The following NRXN3 variants were observed in gnomAD, a reference collection of about 807,000 sequenced individuals.
NRXN3 encodes neurexin III.
Under a neutral mutation model 137.6 loss-of-function variants are expected in NRXN3, and 32 were observed. The ratio of observed to expected loss-of-function variants is 0.23; its 90% CI spans 0.18 to 0.31. The LOEUF is 0.31. Ranked by LOEUF, NRXN3 falls within the 10% of genes least tolerant of loss-of-function variation. The pLI is 1.00. For missense variants in NRXN3, 1,574 were observed against 2,062.5 expected, an observed-to-expected ratio of 0.76 and a Z score of 4.59; for synonymous variants, 798 against 784.5, an observed-to-expected ratio of 1.02 and a Z score of -0.29.
intron 15 of NRXN3, among the ~76,000 whole-genome samples, chr14:79,440,002 G>T (rs1275654062): frequency 6.6e-6 from 1 of 152,224 alleles, no homozygotes; most frequent in Admixed American, 6.5e-5. Context: ...TACCAAGCAA[G>T]TATTGAGCAC....
chr14:78,419,091 G>A (rs548656871), intron 4 of NRXN3, among the ~76,000 whole-genome samples: 3 of 152,258 alleles, frequency 2.0e-5, no homozygotes, highest in East Asian at 1.9e-4. Flanking sequence ...TTTGGGGTGG[G>A]TTATTATTAT....
chr14:78,408,589 A>G (rs952467130), intron 4 of NRXN3, among the ~76,000 whole-genome samples: 16 of 152,024 alleles, frequency 1.1e-4, no homozygotes, highest in African/African-American at 3.9e-4. Context: ...AAACAGAAAC[A>G]CCTAGTTGAC....
Position 79,155,707 on chromosome 14 carries a change from AT to A in NRXN3, c.3262+167567del, listed in dbSNP as rs1486150611. On this transcript the variant is annotated intron_variant, in intron 15 of 20. Coordinates refer to ENST00000335750, the MANE Select transcript of NRXN3 (RefSeq NM_001330195.2). ...AAGAATTAGTCCTCATTTAAAAAAA[AT>A]AAAGGAGATTGGCAGATTTTAAAAA... Among the ~76,000 whole-genome samples, 4 of 151,876 alleles carry A rather than the reference AT, an allele frequency of 2.6e-5. No individual in the cohort carries two copies. The East Asian group carries it at 7.8e-4, about 30-fold the overall frequency.
intron 14 of NRXN3, among the ~76,000 whole-genome samples, chr14:78,973,635 A>T (rs2099452451): frequency 6.6e-6 from 1 of 152,172 alleles, no homozygotes; most frequent in Admixed American, 6.5e-5. Flanking sequence ...GATGTTAGTG[A>T]ATATCTATTG....
chr14:79,599,318 T>C (rs1567619520), intron 16 of NRXN3, among the ~76,000 whole-genome samples: 1 of 152,212 alleles, frequency 6.6e-6, no homozygotes, highest in Non-Finnish European at 1.5e-5. Context: ...CTTATCTCCC[T>C]GATAAGCATC....
At chr14:78,957,690 C>T (rs990871465) in intron 11 of NRXN3, among the ~76,000 whole-genome samples, 1 of 152,162 alleles carries the variant, frequency 6.6e-6, no homozygotes, top group Admixed American at 6.5e-5. Context: ...ACATGTCAAT[C>T]ATCCTCCCAT....
At chr14:78,297,534 G>A (rs994638787) in intron 3 of NRXN3, among the ~76,000 whole-genome samples, 2 of 152,102 alleles carry the variant, frequency 1.3e-5, no homozygotes, top group Non-Finnish European at 2.9e-5. Flanking sequence ...ACAGAACAAC[G>A]GTAAAAGGAA....
chr14:78,977,878 A>T (rs1050066622), intron 14 of NRXN3, among the ~76,000 whole-genome samples: 2 of 152,100 alleles, frequency 1.3e-5, no homozygotes, highest in African/African-American at 2.4e-5. Context: ...TAAAACCAAC[A>T]CATGTTACAA....
chr14:79,019,640 G>T (rs1594982709), intron 15 of NRXN3, among the ~76,000 whole-genome samples: 1 of 152,170 alleles, frequency 6.6e-6, no homozygotes. Context: ...ACTCCAAAAG[G>T]TGTAGAAGAA....
intron 4 of NRXN3, among the ~76,000 whole-genome samples, chr14:78,589,653 A>ATTTGATTGTTTCCTCAG (rs1388219196): frequency 6.6e-6 from 1 of 152,008 alleles, no homozygotes; most frequent in Non-Finnish European, 1.5e-5. Context: ...CCTCAGCTGG[A>ATTTGATTGTTTCCTCAG]TTGTCTGCAT....
chr14:78,183,051 C>G (rs1452938154), intron 1 of NRXN3, among the ~76,000 whole-genome samples: 1 of 152,056 alleles, frequency 6.6e-6, no homozygotes, highest in South Asian at 2.1e-4. Flanking sequence ...AAGGAGGATC[C>G]CCCACAGTCC....
intron 2 of NRXN3, among the ~76,000 whole-genome samples, chr14:78,268,945 T>G (rs2072264485): frequency 6.6e-6 from 1 of 152,198 alleles, no homozygotes; most frequent in South Asian, 2.1e-4. Flanking sequence ...AACCTTTTTT[T>G]GACACTAAGA....
chr14:78,777,638 A>G (rs1054828327), intron 8 of NRXN3, among the ~76,000 whole-genome samples: 1 of 152,210 alleles, frequency 6.6e-6, no homozygotes, highest in African/African-American at 2.4e-5. Context: ...ATGTTTGTCT[A>G]AACAACCCTA....
At chr14:79,560,992 G>C (rs1039101699) in intron 16 of NRXN3, among the ~76,000 whole-genome samples, 1 of 152,148 alleles carries the variant, frequency 6.6e-6, no homozygotes, top group African/African-American at 2.4e-5. Flanking sequence ...TGCAACAGAG[G>C]CTGATCCCAC....
intron 4 of NRXN3, among the ~76,000 whole-genome samples, chr14:78,640,926 T>C (rs1461468358): frequency 6.6e-6 from 1 of 152,226 alleles, no homozygotes; most frequent in East Asian, 1.9e-4. Flanking sequence ...TGTCAGTGCC[T>C]CCTCTCTTGC....
intron 4 of NRXN3, among the ~76,000 whole-genome samples, chr14:78,475,876 C>A (rs1023718700): frequency 6.6e-6 from 1 of 152,084 alleles, no homozygotes; most frequent in Non-Finnish European, 1.5e-5. Context: ...CTACTATGTG[C>A]CAGTACTTAT....
In NRXN3 at chr14:79,346,712, C is replaced by T. The variant is rs540759190; in HGVS notation, c.3263-120509C>T. On this transcript the variant is annotated intron_variant, in intron 15 of 20. Coordinates refer to ENST00000335750, the MANE Select transcript of NRXN3 (RefSeq NM_001330195.2). Reference sequence around the variant, plus strand: ...TTGTTTCTGTGTGAAATGTGTTTTTCCTGTATGCTTAGGTGTATCACTCCT... The same window carrying T: ...TTGTTTCTGTGTGAAATGTGTTTTTTCTGTATGCTTAGGTGTATCACTCCT... 3.3e-5 allele frequency among the ~76,000 whole-genome samples: 5 copies of T among 152,218 alleles called. No homozygotes were observed. The East Asian group carries it at 9.7e-4, about 29-fold the overall frequency.
intron 4 of NRXN3, among the ~76,000 whole-genome samples, chr14:78,379,422 T>C (rs948486722): frequency 3.3e-5 from 5 of 152,122 alleles, no homozygotes; most frequent in Non-Finnish European, 7.4e-5. Context: ...CAGGAACAAG[T>C]AAAGTAGAAG....
intron 6 of NRXN3, among the ~76,000 whole-genome samples, chr14:78,700,249 AT>A (rs2098266379): frequency 1.3e-5 from 2 of 152,326 alleles, no homozygotes; most frequent in African/African-American, 4.8e-5. Flanking sequence ...TAGCTAATCA[AT>A]TCATATTAAC....
Sources: allele counts gnomAD v4.1 joint callset (sites outside exome capture counted in the v4.1 genomes callset), GRCh38; gene constraint gnomAD v4.1.1; transcripts MANE v1.5; gene names NCBI Gene and HGNC (gene_info 2026-07-23, HGNC 2026-07-21).